ARB2A: variants seen among roughly 807,000 people sequenced by gnomAD.
The protein encoded by ARB2A is ARB2 cotranscriptional regulator A.
chr5:93,772,128 A>G, the ARB2A span, among the ~76,000 whole-genome samples: 1 of 152,244 alleles, frequency 6.6e-6, no homozygotes, highest in South Asian at 2.1e-4. Flanking sequence ...ATGCAGCCGT[A>G]AAAAATGATG....
the ARB2A span, among the ~76,000 whole-genome samples, chr5:93,859,989 A>G: frequency 1.3e-5 from 2 of 152,188 alleles, no homozygotes; most frequent in Non-Finnish European, 2.9e-5. Context: ...AGGCATGCCT[A>G]AGAATGTTCA....
chr5:93,893,200 C>T, the ARB2A span, among the ~76,000 whole-genome samples: 3 of 152,092 alleles, frequency 2.0e-5, no homozygotes, highest in Non-Finnish European at 2.9e-5. Flanking sequence ...CTGCCACTGC[C>T]GAGATCAAAA....
the ARB2A span, among the ~76,000 whole-genome samples, chr5:93,817,446 T>G: frequency 1.3e-5 from 2 of 152,164 alleles, no homozygotes; most frequent in East Asian, 3.8e-4. Flanking sequence ...ATCTCTGCTT[T>G]TTTATTTTTG....
At chr5:93,927,642 C>T in the ARB2A span, among the ~76,000 whole-genome samples, 1 of 152,156 alleles carries the variant, frequency 6.6e-6, no homozygotes, top group Admixed American at 6.5e-5. Flanking sequence ...TGATCTTTAT[C>T]ATCTGACTCT....
chr5:94,106,221 C>T, the ARB2A span, among the ~76,000 whole-genome samples: 7 of 151,868 alleles, frequency 4.6e-5, no homozygotes, highest in African/African-American at 7.2e-5. Flanking sequence ...GAAAAAAATT[C>T]GCAAACTATG....
chr5:94,109,029 T>C, the ARB2A span, among the ~76,000 whole-genome samples: 1 of 152,130 alleles, frequency 6.6e-6, no homozygotes, highest in Admixed American at 6.6e-5. Flanking sequence ...AACCCAAGCA[T>C]CCATGGATGA....
At chr5:93,956,359 C>G in the ARB2A span, among the ~76,000 whole-genome samples, 2 of 152,068 alleles carry the variant, frequency 1.3e-5, no homozygotes, top group Non-Finnish European at 2.9e-5. Context: ...TGTTCACAAA[C>G]CAGTCCAGTT....
At chr5:93,706,490 T>C in the ARB2A span, among the ~76,000 whole-genome samples, 2 of 152,178 alleles carry the variant, frequency 1.3e-5, no homozygotes, top group Non-Finnish European at 2.9e-5. Context: ...GCTACAACAC[T>C]GCGCATATAC....
chr5:94,066,060 T>C, the ARB2A span, among the ~76,000 whole-genome samples: 165 of 152,048 alleles, frequency 1.1e-3, no homozygotes, highest in African/African-American at 3.8e-3. Flanking sequence ...TCAGAAAATG[T>C]ACAAATACAT....
the ARB2A span, among the ~76,000 whole-genome samples, chr5:93,857,458 G>C: frequency 1.3e-5 from 2 of 152,146 alleles, no homozygotes; most frequent in African/African-American, 4.8e-5. Flanking sequence ...CTTCCCGACT[G>C]TTTTGTTTAC....
At chr5:93,891,785 AC>A in the ARB2A span, among the ~76,000 whole-genome samples, 1 of 152,150 alleles carries the variant, frequency 6.6e-6, no homozygotes, top group Non-Finnish European at 1.5e-5. Context: ...AAAGATTTTA[AC>A]CGCCAGAGCA....
chr5:93,923,061 C>G, the ARB2A span, among the ~76,000 whole-genome samples: 2 of 152,006 alleles, frequency 1.3e-5, no homozygotes, highest in Non-Finnish European at 2.9e-5. Context: ...ACCACTGAGA[C>G]AGCAAGACCA....
the ARB2A span, among the ~76,000 whole-genome samples, chr5:94,009,607 C>T: frequency 6.6e-6 from 1 of 152,032 alleles, no homozygotes; most frequent in Non-Finnish European, 1.5e-5. Flanking sequence ...ATAACATTAG[C>T]ATAATTTCTC....
chr5:93,982,788 C>T, the ARB2A span, among the ~76,000 whole-genome samples: 5 of 152,316 alleles, frequency 3.3e-5, no homozygotes, highest in African/African-American at 9.6e-5. Context: ...GGCACAGTGG[C>T]TCATGCCGGT....
chr5:93,815,779 A>G, the ARB2A span, among the ~76,000 whole-genome samples: 2 of 152,258 alleles, frequency 1.3e-5, no homozygotes, highest in East Asian at 1.9e-4. Context: ...ACCAATTACT[A>G]GATTTTGTTT....
the ARB2A span, among the ~76,000 whole-genome samples, chr5:94,027,633 G>C: frequency 6.6e-6 from 1 of 152,310 alleles, no homozygotes; most frequent in African/African-American, 2.4e-5. Context: ...CAGCCAGTAG[G>C]GCGGTACACA....
the ARB2A span, among the ~76,000 whole-genome samples, chr5:93,930,256 G>A: frequency 3.9e-5 from 6 of 152,142 alleles, no homozygotes; most frequent in Non-Finnish European, 5.9e-5. Context: ...GCATTTATAC[G>A]AGAGTCTGTC....
At chr5:94,068,862 CAAAAAAAAAAAAA>C in the ARB2A span, among the ~76,000 whole-genome samples, 7 of 62,352 alleles carry the variant, frequency 1.1e-4, no homozygotes, top group Admixed American at 3.8e-4. Flanking sequence ...ACTAAAAATA[CAAAAAAAAAAAAA>C]AAAAAAAAAA....
the ARB2A span, among the ~76,000 whole-genome samples, chr5:93,698,627 T>C: frequency 6.6e-6 from 1 of 152,204 alleles, no homozygotes; most frequent in Non-Finnish European, 1.5e-5. Context: ...AAATAACTCA[T>C]TGCATGTCAG....
Sources: allele counts gnomAD v4.1 joint callset (sites outside exome capture counted in the v4.1 genomes callset), GRCh38; gene constraint gnomAD v4.1.1; transcripts MANE v1.5; gene names NCBI Gene and HGNC (gene_info 2026-07-23, HGNC 2026-07-21).